RALGAPA2: variants seen among roughly 807,000 people sequenced by gnomAD.
RALGAPA2 encodes the protein Ral GTPase activating protein catalytic subunit alpha 2.
A neutral mutation model predicts 230.4 loss-of-function variants in RALGAPA2; 139 were observed. The ratio of observed to expected loss-of-function variants is 0.60; its 90% CI spans 0.53 to 0.69. RALGAPA2 has a LOEUF of 0.69. Ranked by LOEUF, RALGAPA2 falls within the 30% of genes least tolerant of loss-of-function variation. The pLI, the probability that RALGAPA2 is intolerant of heterozygous loss-of-function variation, is 0.00. For synonymous variants in RALGAPA2, 847 were observed against 837.8 expected (o/e 1.01, Z -0.19); for missense variants, 2,163 against 2,276.0 (o/e 0.95, Z 1.01).
At position 20,526,345 on chromosome 20, in the gene RALGAPA2, C is replaced by T. The variant is rs1330877222; in HGVS notation, c.3600G>A (p.Val1200=). 1.3e-6 allele frequency: 2 copies of T among 1,597,422 alleles called. No homozygotes were observed. The highest frequency in any genetic ancestry group is 1.7e-4 in the Middle Eastern group (1 of 5,984). ...GVTLKFPNKI[V]AQVACDVLQL... ...GAAGGACATCGCAAGCTACCTGGGCCACGATTTTGTTGGGAAACTATAAAA... is the reference window on the plus strand; with the variant it reads ...GAAGGACATCGCAAGCTACCTGGGCTACGATTTTGTTGGGAAACTATAAAA... Residue 1200 remains valine (V), a synonymous_variant, in exon 28 of 40, where the codon GTG becomes GTA. Coordinates refer to ENST00000202677, the MANE Select transcript of RALGAPA2 (RefSeq NM_020343.4).
chr20:20,616,909 T>A (rs2066162330), intron 12 of RALGAPA2, among the ~76,000 whole-genome samples: 1 of 152,238 alleles, frequency 6.6e-6, no homozygotes, highest in African/African-American at 2.4e-5. Flanking sequence ...ACCTTTAGCA[T>A]ACAAGTTCAC....
intron 10 of RALGAPA2, among the ~76,000 whole-genome samples, chr20:20,628,536 T>A (rs2066564778): frequency 6.6e-6 from 1 of 151,964 alleles, no homozygotes; most frequent in African/African-American, 2.4e-5. Flanking sequence ...TAGTACTGAG[T>A]TTCTCCACAG....
chr20:20,535,599 T>A, intron 26 of RALGAPA2, 146 bp downstream of exon 26: 1 of 1,229,988 alleles, frequency 8.1e-7, no homozygotes, highest in Non-Finnish European at 1.1e-6. Flanking sequence ...ATGCAAAGCA[T>A]CTTCCTGGCA....
intron 37 of RALGAPA2, among the ~76,000 whole-genome samples, chr20:20,465,667 A>AAAAT (rs1464109145): frequency 6.6e-6 from 1 of 152,144 alleles, no homozygotes; most frequent in African/African-American, 2.4e-5. Context: ...CTCTATAGCA[A>AAAAT]AAATAGCAGA....
intron 38 of RALGAPA2, among the ~76,000 whole-genome samples, chr20:20,410,226 A>C (rs1179034103): frequency 6.6e-6 from 1 of 152,250 alleles, no homozygotes; most frequent in Non-Finnish European, 1.5e-5. Context: ...ACTCATTTCT[A>C]TTGGTTTAAA....
intron 31 of RALGAPA2, among the ~76,000 whole-genome samples, chr20:20,516,629 C>T (rs112524611): frequency 0.011 from 1,684 of 152,348 alleles, 26 homozygotes; most frequent in African/African-American, 0.039. Context: ...CTCACAGAGT[C>T]TACATCACTC....
At chr20:20,543,861 C>T (rs1010894774) in intron 24 of RALGAPA2, among the ~76,000 whole-genome samples, 1 of 151,056 alleles carries the variant, frequency 6.6e-6, no homozygotes, top group African/African-American at 2.4e-5. Flanking sequence ...CACATGTACC[C>T]TAGAACTTAA....
chr20:20,543,109 A>G (rs2063692883), intron 24 of RALGAPA2, among the ~76,000 whole-genome samples: 1 of 151,940 alleles, frequency 6.6e-6, no homozygotes, highest in Admixed American at 6.6e-5. Context: ...CAGTGGTGCG[A>G]TCTTGACTTG....
intron 24 of RALGAPA2, among the ~76,000 whole-genome samples, chr20:20,541,989 T>C (rs1005384503): frequency 2.0e-5 from 3 of 152,230 alleles, no homozygotes; most frequent in African/African-American, 4.8e-5. Flanking sequence ...GCAGATGACA[T>C]GATTGTATAT....
chr20:20,624,591 A>G (rs993424405), intron 10 of RALGAPA2, among the ~76,000 whole-genome samples: 1 of 152,140 alleles, frequency 6.6e-6, no homozygotes, highest in African/African-American at 2.4e-5. Context: ...ATGTATAATA[A>G]GATGAAATTA....
At chr20:20,607,965 G>T (rs542080152) in intron 14 of RALGAPA2, among the ~76,000 whole-genome samples, 1 of 152,280 alleles carries the variant, frequency 6.6e-6, no homozygotes, top group South Asian at 2.1e-4. Context: ...CATGAAGGCA[G>T]GGTGTCCTTT....
chr20:20,667,612 T>C (rs563836711), intron 3 of RALGAPA2, among the ~76,000 whole-genome samples: 1 of 152,362 alleles, frequency 6.6e-6, no homozygotes, highest in South Asian at 2.1e-4. Flanking sequence ...TCATCTGCAC[T>C]TGCTGTGTGG....
At chr20:20,496,067 A>C (rs1441730728) in intron 35 of RALGAPA2, among the ~76,000 whole-genome samples, 1 of 152,100 alleles carries the variant, frequency 6.6e-6, no homozygotes, top group African/African-American at 2.4e-5. Context: ...CTTCCAATTC[A>C]GGGCCATTTC....
At chr20:20,576,164 C>T (rs967579497) in intron 20 of RALGAPA2, among the ~76,000 whole-genome samples, 9 of 152,088 alleles carry the variant, frequency 5.9e-5, no homozygotes, top group African/African-American at 2.2e-4. Context: ...ATATAGTTTC[C>T]ATATACTCCG....
At chr20:20,656,208 G>A (rs1230740786) in intron 3 of RALGAPA2, among the ~76,000 whole-genome samples, 2 of 152,168 alleles carry the variant, frequency 1.3e-5, no homozygotes, top group African/African-American at 4.8e-5. Flanking sequence ...TAAAATGAAG[G>A]TAAAGCAAAA....
chr20:20,561,032 G>A (rs2064241865), intron 23 of RALGAPA2, among the ~76,000 whole-genome samples: 1 of 152,220 alleles, frequency 6.6e-6, no homozygotes, highest in Admixed American at 6.5e-5. Context: ...AGTGACTTGA[G>A]TGCAAGGCTA....
intron 31 of RALGAPA2, among the ~76,000 whole-genome samples, chr20:20,513,762 G>A (rs1446895519): frequency 6.6e-6 from 1 of 152,212 alleles, no homozygotes; most frequent in Non-Finnish European, 1.5e-5. Flanking sequence ...CCTAGATCTG[G>A]GACTGAGAGA....
At chr20:20,577,166 C>T (rs1045608547) in intron 20 of RALGAPA2, among the ~76,000 whole-genome samples, 2 of 151,986 alleles carry the variant, frequency 1.3e-5, no homozygotes, top group African/African-American at 2.4e-5. Context: ...ATGTTGTTGG[C>T]ATTTTTAAGG....
At chr20:20,585,280 T>A (rs2065101275) in intron 18 of RALGAPA2, among the ~76,000 whole-genome samples, 1 of 152,188 alleles carries the variant, frequency 6.6e-6, no homozygotes, top group Non-Finnish European at 1.5e-5. Context: ...ACATATATTG[T>A]GAACACAATG....
Sources: gnomAD v4.1 joint callset for allele counts (sites outside exome capture counted in the v4.1 genomes callset) on GRCh38, gnomAD v4.1.1 for gene constraint, MANE v1.5 for transcripts, NCBI Gene and HGNC (gene_info 2026-07-23, HGNC 2026-07-21) for gene names.